SPAG16: variants seen among roughly 807,000 people sequenced by gnomAD.
The protein encoded by SPAG16 is sperm associated antigen 16, also known as sperm-associated antigen 16 protein.
A neutral mutation model predicts 80.4 loss-of-function variants in SPAG16; 86 were observed. That is an observed-to-expected ratio of 1.07 (90% confidence interval 0.90 to 1.28). The LOEUF (loss-of-function observed/expected upper bound fraction) is 1.28. Among genes scored for constraint, SPAG16 ranks in the 50% most tolerant of loss-of-function variants. SPAG16 has a pLI of 0.00. For missense variants in SPAG16, 870 were observed against 765.3 expected, an observed-to-expected ratio of 1.14 and a Z score of -1.61; for synonymous variants, 294 against 265.9, an observed-to-expected ratio of 1.11 and a Z score of -1.03.
chr2:213,692,163 A>G (rs910817158), intron 10 of SPAG16, among the ~76,000 whole-genome samples: 7 of 152,220 alleles, frequency 4.6e-5, no homozygotes, highest in African/African-American at 1.7e-4. Flanking sequence ...TTAGATTAAT[A>G]TAAAATTTGA....
At chr2:214,148,141 C>G (rs1415948541) in intron 14 of SPAG16, among the ~76,000 whole-genome samples, 1 of 152,132 alleles carries the variant, frequency 6.6e-6, no homozygotes, top group Non-Finnish European at 1.5e-5. Flanking sequence ...GTGGCCAATA[C>G]TCATTCAATT....
At chr2:213,559,260 T>C (rs970376430) in intron 10 of SPAG16, among the ~76,000 whole-genome samples, 13 of 152,168 alleles carry the variant, frequency 8.5e-5, no homozygotes, top group African/African-American at 2.9e-4. Context: ...TGGCAGTGTT[T>C]ATTCTCATTT....
chr2:213,582,316 C>T (rs556309722), intron 10 of SPAG16, among the ~76,000 whole-genome samples: 2 of 152,078 alleles, frequency 1.3e-5, no homozygotes, highest in Non-Finnish European at 2.9e-5. Context: ...TATGCATAAC[C>T]TTTTAGTTTT....
At chr2:213,779,256 A>T (rs1183372898) in intron 10 of SPAG16, among the ~76,000 whole-genome samples, 1 of 152,122 alleles carries the variant, frequency 6.6e-6, no homozygotes, top group Admixed American at 6.5e-5. Flanking sequence ...TTTCTTCTAC[A>T]TTAGAATTGA....
intron 13 of SPAG16, among the ~76,000 whole-genome samples, chr2:214,094,411 A>C (rs1382417633): frequency 6.6e-6 from 1 of 152,118 alleles, no homozygotes; most frequent in African/African-American, 2.4e-5. Context: ...TTAAAATACA[A>C]AGTCCTGAAA....
intron 10 of SPAG16, among the ~76,000 whole-genome samples, chr2:213,610,596 T>G (rs555958055): frequency 9.5e-4 from 144 of 152,262 alleles, no homozygotes; most frequent in Admixed American, 1.6e-3. Context: ...AAAAGAGAGT[T>G]CTTGGATCTT....
At chr2:213,357,008 C>T (rs1010998491) in intron 7 of SPAG16, among the ~76,000 whole-genome samples, 1 of 152,058 alleles carries the variant, frequency 6.6e-6, no homozygotes, top group African/African-American at 2.4e-5. Flanking sequence ...CGTTATGTAC[C>T]CAGTAGTCAT....
intron 15 of SPAG16, among the ~76,000 whole-genome samples, chr2:214,234,075 C>CT (rs1559145150): frequency 1.6e-5 from 1 of 62,694 alleles, no homozygotes; most frequent in Non-Finnish European, 6.3e-5. Flanking sequence ...TGTGTTGTTT[C>CT]CCCCCCCATG....
chr2:213,464,256 G>A (rs1484186481), intron 9 of SPAG16, among the ~76,000 whole-genome samples: 1 of 152,226 alleles, frequency 6.6e-6, no homozygotes, highest in Admixed American at 6.5e-5. Context: ...TTCTAAAACA[G>A]TAGTGCCATG....
At chr2:213,285,433 G>A (rs1319642215) in intron 1 of SPAG16, among the ~76,000 whole-genome samples, 1 of 152,154 alleles carries the variant, frequency 6.6e-6, no homozygotes, top group Non-Finnish European at 1.5e-5. Context: ...AAAAAGACAT[G>A]TAACTCCTTT....
intron 15 of SPAG16, among the ~76,000 whole-genome samples, chr2:214,319,929 T>C (rs758679923): frequency 6.6e-6 from 1 of 152,110 alleles, no homozygotes; most frequent in Non-Finnish European, 1.5e-5. Flanking sequence ...CCTTCATCTA[T>C]AGCATAGAGC....
chr2:213,468,737 T>G (rs1376231846), intron 9 of SPAG16, among the ~76,000 whole-genome samples: 1 of 149,704 alleles, frequency 6.7e-6, no homozygotes, highest in South Asian at 2.1e-4. Flanking sequence ...TATATATATC[T>G]CCTACATATA....
chr2:213,329,048 T>C (rs1468332181), intron 5 of SPAG16, among the ~76,000 whole-genome samples: 2 of 152,172 alleles, frequency 1.3e-5, no homozygotes, highest in African/African-American at 4.8e-5. Context: ...TCTTTTTGTC[T>C]TGCACCATGA....
chr2:214,034,046 T>C, intron 13 of SPAG16, among the ~76,000 whole-genome samples: 1 of 151,184 alleles, frequency 6.6e-6, no homozygotes, highest in East Asian at 2.1e-4. Context: ...TTGTGTTTCA[T>C]GATATTGACA....
chr2:214,198,693 T>G (rs2057918172), intron 15 of SPAG16, among the ~76,000 whole-genome samples: 1 of 152,092 alleles, frequency 6.6e-6, no homozygotes. Context: ...TCCATAATGG[T>G]TAACTAGTTT....
At chr2:213,369,742 G>A (rs2066529659) in intron 8 of SPAG16, among the ~76,000 whole-genome samples, 1 of 152,100 alleles carries the variant, frequency 6.6e-6, no homozygotes, top group Non-Finnish European at 1.5e-5. Context: ...TTTTAGAGCA[G>A]TTTTAGGTTT....
At chr2:214,304,710 C>T (rs559699639) in intron 15 of SPAG16, among the ~76,000 whole-genome samples, 6 of 152,002 alleles carry the variant, frequency 3.9e-5, no homozygotes, top group Non-Finnish European at 5.9e-5. Context: ...AAGCTGGTCT[C>T]GGCATGTTAT....
rs1460375837 is a variant in SPAG16 at position 213,930,141 on chromosome 2, A to C, written c.1396A>C (p.Asn466His). The change falls in exon 12 of 16, where the codon AAT becomes CAT. Residue 466 changes from asparagine (N) to histidine (H), a missense_variant. Asn to His is a moderately conservative substitution (Grantham distance 68). Transcript: ENST00000331683. ...TAAAACTAGCAAAATTTGGGATGTT[A>C]ATAGGTAAGAAGTACTTTAAACATT... ...LDKTSKIWDV[N>H]SERCRCTLYG... 6.2e-7 allele frequency: 1 copy of C among 1,613,166 alleles called. No individual in the cohort carries two copies. Among genetic ancestry groups the C allele is most frequent in the Non-Finnish European group, 8.5e-7 (1 of 1,179,426 alleles).
At chr2:213,351,922 C>T (rs535197938) in intron 7 of SPAG16, among the ~76,000 whole-genome samples, 3 of 152,094 alleles carry the variant, frequency 2.0e-5, no homozygotes, top group African/African-American at 7.2e-5. Context: ...ATCATCCCCA[C>T]GTGTCAAGGG....
Sources: gnomAD v4.1 joint callset for allele counts (sites outside exome capture counted in the v4.1 genomes callset) on GRCh38, gnomAD v4.1.1 for gene constraint, MANE v1.5 for transcripts, NCBI Gene and HGNC (gene_info 2026-07-23, HGNC 2026-07-21) for gene names.